Variants in ZBTB20 observed in about 807,000 individuals in gnomAD.
ZBTB20 encodes the protein zinc finger and BTB domain containing 20.
A neutral mutation model predicts 56.9 loss-of-function variants in ZBTB20; 9 were observed. That is an observed-to-expected ratio of 0.16 (90% confidence interval 0.10 to 0.28). The LOEUF is 0.28. ZBTB20 is among the 10% of genes least tolerant of loss of function. The pLI is 1.00. For synonymous variants in ZBTB20, 417 were observed against 420.7 expected, an observed-to-expected ratio of 0.99 and a Z score of 0.11; for missense variants, 655 against 1,003.0, an observed-to-expected ratio of 0.65 and a Z score of 4.69.
chr3:114,673,160 C>T (rs564603962), intron 6 of ZBTB20, among the ~76,000 whole-genome samples: 26 of 152,240 alleles, frequency 1.7e-4, no homozygotes, highest in African/African-American at 6.0e-4. Flanking sequence ...AAAGTAAGGA[C>T]AGCGGGCCAT....
chr3:115,087,620 A>G (rs904567959), intron 1 of ZBTB20, among the ~76,000 whole-genome samples: 1 of 151,898 alleles, frequency 6.6e-6, no homozygotes. Flanking sequence ...TGGAGCAATG[A>G]ATAACCTAGT....
intron 4 of ZBTB20, among the ~76,000 whole-genome samples, chr3:114,814,304 A>G (rs116472845): frequency 0.03 from 4,588 of 150,486 alleles, 95 homozygotes; most frequent in Non-Finnish European, 0.048. Context: ...AAATATATTT[A>G]TATTGTACAT....
chr3:114,634,877 G>A (rs1040058008), intron 6 of ZBTB20, among the ~76,000 whole-genome samples: 18 of 152,172 alleles, frequency 1.2e-4, no homozygotes, highest in African/African-American at 3.6e-4. Flanking sequence ...GCCTCATACT[G>A]TGTACTGACG....
intron 6 of ZBTB20, among the ~76,000 whole-genome samples, chr3:114,514,805 G>A (rs1251682132): frequency 6.6e-6 from 1 of 152,092 alleles, no homozygotes; most frequent in Non-Finnish European, 1.5e-5. Flanking sequence ...ATAATCTTAA[G>A]AAAAGTAAAA....
intron 1 of ZBTB20, among the ~76,000 whole-genome samples, chr3:115,095,408 C>T (rs529142184): frequency 5.3e-4 from 80 of 152,130 alleles, no homozygotes; most frequent in Non-Finnish European, 9.3e-4. Flanking sequence ...TCCATGTCCT[C>T]AAGCTGATTA....
At chr3:114,628,963 C>T (rs566593568) in intron 6 of ZBTB20, among the ~76,000 whole-genome samples, 1 of 152,256 alleles carries the variant, frequency 6.6e-6, no homozygotes, top group East Asian at 1.9e-4. Flanking sequence ...AGAAATATCT[C>T]AGGGTGTGCT....
chr3:114,571,509 G>A (rs751447828), intron 6 of ZBTB20, among the ~76,000 whole-genome samples: 3 of 152,110 alleles, frequency 2.0e-5, no homozygotes, highest in Non-Finnish European at 4.4e-5. Context: ...CTTCAGCGGG[G>A]TGGGGTGAGG....
chr3:114,929,923 A>T (rs1480627202), intron 3 of ZBTB20, among the ~76,000 whole-genome samples: 1 of 152,252 alleles, frequency 6.6e-6, no homozygotes, highest in African/African-American at 2.4e-5. Context: ...AACATAAATT[A>T]TATAGTAGAA....
At chr3:114,651,655 A>G (rs553067163) in intron 6 of ZBTB20, among the ~76,000 whole-genome samples, 1 of 152,118 alleles carries the variant, frequency 6.6e-6, no homozygotes, top group Non-Finnish European at 1.5e-5. Context: ...ACAAAACAAA[A>G]AGTAAATTTG....
chr3:114,994,634 TTTA>T (rs1384551740), intron 2 of ZBTB20, among the ~76,000 whole-genome samples: 2 of 151,392 alleles, frequency 1.3e-5, no homozygotes, highest in Non-Finnish European at 2.9e-5. Context: ...TATAGCCATC[TTTA>T]AGTTTATTAT....
chr3:114,769,663 G>A (rs890803912), intron 5 of ZBTB20, among the ~76,000 whole-genome samples: 1 of 149,784 alleles, frequency 6.7e-6, no homozygotes, highest in African/African-American at 2.5e-5. Context: ...GGATGAGATT[G>A]GAGACTATTA....
At chr3:114,598,965 T>G (rs905044313) in intron 6 of ZBTB20, among the ~76,000 whole-genome samples, 3 of 151,838 alleles carry the variant, frequency 2.0e-5, no homozygotes, top group African/African-American at 7.3e-5. Context: ...TTACATTCCC[T>G]TAACGGGGGG....
Position 114,339,628 on chromosome 3 carries a change from T to G in ZBTB20, c.1805-202A>C, listed in dbSNP as rs1302290111. ...TGTGCAGAGAAATTTTGCTTTATGG[T>G]GATGCCAGGACAGTTTTGTTTTCCA... On this transcript the variant is annotated intron_variant, in intron 11 of 11. Coordinates refer to ENST00000675478, the MANE Select transcript of ZBTB20 (RefSeq NM_001348800.3). This position sits in a 1 kb window ranked among gnomAD's most constrained non-coding sequence, Gnocchi z 4.2. Among the ~76,000 whole-genome samples, 2 of 152,194 alleles carry G rather than the reference T, an allele frequency of 1.3e-5. No individual in the cohort carries two copies. Among genetic ancestry groups the G allele is most frequent in the African/African-American group, 4.8e-5 (2 of 41,436 alleles).
At chr3:114,700,933 G>T (rs911009183) in intron 5 of ZBTB20, among the ~76,000 whole-genome samples, 2 of 152,110 alleles carry the variant, frequency 1.3e-5, no homozygotes, top group Non-Finnish European at 2.9e-5. Flanking sequence ...AGAGTGGGAG[G>T]TGTTTCTCCC....
chr3:115,060,098 G>T (rs1448215728), intron 2 of ZBTB20, among the ~76,000 whole-genome samples: 2 of 152,036 alleles, frequency 1.3e-5, no homozygotes, highest in East Asian at 3.9e-4. Flanking sequence ...CTATATTTTA[G>T]CCATGCTTAA....
intron 1 of ZBTB20, among the ~76,000 whole-genome samples, chr3:115,129,962 T>C (rs1188129804): frequency 1.3e-5 from 2 of 150,624 alleles, no homozygotes; most frequent in Non-Finnish European, 2.9e-5. Context: ...AAAGGCTTAA[T>C]ATCACACACA....
chr3:114,877,313 G>C (rs1302201507), intron 4 of ZBTB20, among the ~76,000 whole-genome samples: 1 of 152,160 alleles, frequency 6.6e-6, no homozygotes, highest in Non-Finnish European at 1.5e-5. Context: ...GGAACTGTTG[G>C]TTCCTCTCAA....
chr3:114,819,861 C>T (rs2073139870), intron 4 of ZBTB20, among the ~76,000 whole-genome samples: 1 of 151,636 alleles, frequency 6.6e-6, no homozygotes. Flanking sequence ...TGAGTAAAGA[C>T]CACAAGCAAA....
intron 5 of ZBTB20, among the ~76,000 whole-genome samples, chr3:114,742,146 T>A (rs2066645268): frequency 6.6e-6 from 1 of 152,180 alleles, no homozygotes; most frequent in Non-Finnish European, 1.5e-5. Flanking sequence ...CCACCCATCA[T>A]ACCTACATTA....
Sources: gnomAD v4.1 joint callset for allele counts (sites outside exome capture counted in the v4.1 genomes callset) on GRCh38, gnomAD v4.1.1 for gene constraint, Gnocchi (gnomAD v3.1) non-coding constraint, MANE v1.5 for transcripts, NCBI Gene and HGNC (gene_info 2026-07-23, HGNC 2026-07-21) for gene names.